Variants in C19orf18 observed in about 807,000 individuals in gnomAD.
The protein encoded by C19orf18 is uncharacterized protein C19orf18.
Under a neutral mutation model 23.3 loss-of-function variants are expected in C19orf18, and 21 were observed. The observed-to-expected ratio is 0.90, with a 90% CI of 0.64 to 1.30. C19orf18 has a LOEUF of 1.30. Among genes scored for constraint, C19orf18 ranks in the 50% most tolerant of loss-of-function variants. C19orf18 has a pLI of 0.00. For missense variants in C19orf18, 249 were observed against 259.6 expected (o/e 0.96, Z 0.28); for synonymous variants, 96 against 95.2 (o/e 1.01, Z -0.05).
chr19:57,963,658 C>T (rs1313691077), intron 4 of C19orf18, among the ~76,000 whole-genome samples: 14 of 151,988 alleles, frequency 9.2e-5, no homozygotes, highest in Non-Finnish European at 1.8e-4. Context: ...GAGTCCGAGG[C>T]GGGCGGATCA....
intron 4 of C19orf18, among the ~76,000 whole-genome samples, chr19:57,962,312 C>T (rs2072879300): frequency 6.6e-6 from 1 of 152,012 alleles, no homozygotes; most frequent in Non-Finnish European, 1.5e-5. Flanking sequence ...ACTGGAATTA[C>T]AGGTGTGAGC....
chr19:57,962,955 T>G (rs1259462519), intron 4 of C19orf18, among the ~76,000 whole-genome samples: 1 of 151,398 alleles, frequency 6.6e-6, no homozygotes, highest in Non-Finnish European at 1.5e-5. Flanking sequence ...AAAAGGGAGG[T>G]GCTCGCCTCA....
intron 4 of C19orf18, 96 bp downstream of exon 4, chr19:57,966,434 A>C (rs2072908585): frequency 1.3e-6 from 1 of 785,466 alleles, no homozygotes; most frequent in Non-Finnish European, 2.0e-6. Flanking sequence ...TAGCAATTAT[A>C]AGATGTATCA....
intron 4 of C19orf18, among the ~76,000 whole-genome samples, 171 bp from the exon 5 acceptor site, chr19:57,961,722 C>T (rs1427773303): frequency 6.6e-6 from 1 of 152,140 alleles, no homozygotes; most frequent in African/African-American, 2.4e-5. Context: ...ATGGTCAGGC[C>T]ATTTCCTGGA....
At chr19:57,964,593 A>G (rs1174839200) in intron 4 of C19orf18, among the ~76,000 whole-genome samples, 1 of 152,192 alleles carries the variant, frequency 6.6e-6, no homozygotes, top group African/African-American at 2.4e-5. Flanking sequence ...ATACATTTAC[A>G]TAAATTAAGC....
At chr19:57,964,854 C>G (rs1015891067) in intron 4 of C19orf18, among the ~76,000 whole-genome samples, 4 of 152,138 alleles carry the variant, frequency 2.6e-5, no homozygotes, top group African/African-American at 9.7e-5. Flanking sequence ...CGGAATCATA[C>G]AGTAGGAGTC....
intron 3 of C19orf18, among the ~76,000 whole-genome samples, chr19:57,969,910 T>A (rs1239137795): frequency 6.6e-6 from 1 of 151,930 alleles, no homozygotes; most frequent in Non-Finnish European, 1.5e-5. Flanking sequence ...ATAGCATTGT[T>A]TTTATGAGAA....
At chr19:57,973,145 C>CAAAAAAAA (rs61625681) in intron 2 of C19orf18, among the ~76,000 whole-genome samples, 2 of 24,186 alleles carry the variant, frequency 8.3e-5, no homozygotes, top group Non-Finnish European at 1.5e-4. Flanking sequence ...GACTCCGTCT[C>CAAAAAAAA]AAAAAAAAAA....
chr19:57,961,875 CTTCTCT>C (rs1222252243), intron 4 of C19orf18, among the ~76,000 whole-genome samples: 1 of 151,916 alleles, frequency 6.6e-6, no homozygotes. Context: ...ATTCCTTTCT[CTTCTCT>C]TTTTCTTTCT....
intron 3 of C19orf18, among the ~76,000 whole-genome samples, chr19:57,972,005 C>T (rs2072948415): frequency 6.6e-6 from 1 of 152,170 alleles, no homozygotes; most frequent in Non-Finnish European, 1.5e-5. Flanking sequence ...TCAGAAGCCG[C>T]CCTGTTGCAG....
intron 3 of C19orf18, among the ~76,000 whole-genome samples, chr19:57,970,732 G>A (rs1316833218): frequency 6.6e-6 from 1 of 151,028 alleles, no homozygotes; most frequent in African/African-American, 2.4e-5. Context: ...GCTAATTTTT[G>A]TATTTTTAGT....
chr19:57,962,897 T>A (rs2123220447), intron 4 of C19orf18, among the ~76,000 whole-genome samples: 1 of 152,214 alleles, frequency 6.6e-6, no homozygotes, highest in Non-Finnish European at 1.5e-5. Flanking sequence ...AGTTTATTTT[T>A]TGTTTTTCTT....
intron 4 of C19orf18, 56 bp downstream of exon 4, chr19:57,966,474 A>C (rs1397249890): frequency 8.5e-6 from 9 of 1,057,652 alleles, no homozygotes; most frequent in Admixed American, 2.0e-5. Flanking sequence ...AATAATAATC[A>C]GTTGACTTGT....
chr19:57,966,417 A>G, intron 4 of C19orf18, 113 bp downstream of exon 4: 4 of 691,506 alleles, frequency 5.8e-6, no homozygotes, highest in Non-Finnish European at 9.5e-6. Context: ...TATAATGACC[A>G]ATACTTTAGC....
chr19:57,963,259 C>A (rs1391241564), intron 4 of C19orf18, among the ~76,000 whole-genome samples: 1 of 151,892 alleles, frequency 6.6e-6, no homozygotes, highest in African/African-American at 2.4e-5. Flanking sequence ...GAACTCCCAA[C>A]CTCAGGTGAC....
At chr19:57,969,198 T>C (rs2072927239) in intron 3 of C19orf18, among the ~76,000 whole-genome samples, 1 of 152,136 alleles carries the variant, frequency 6.6e-6, no homozygotes, top group Admixed American at 6.5e-5. Flanking sequence ...CATTTGCATG[T>C]CTGGGAGTCT....
chr19:57,959,776 C>T (rs988606218), intron 5 of C19orf18, among the ~76,000 whole-genome samples: 20 of 134,572 alleles, frequency 1.5e-4, no homozygotes, highest in Admixed American at 1.3e-3. Flanking sequence ...GCCTGGGTGA[C>T]GTAGTGAAAC....
intron 3 of C19orf18, among the ~76,000 whole-genome samples, chr19:57,967,826 G>T (rs938557654): frequency 6.8e-6 from 1 of 146,038 alleles, no homozygotes. Context: ...TGACCAACAC[G>T]GCGAAACCCC....
chr19:57,974,038 C>T, intron 2 of C19orf18, 61 bp downstream of exon 2: 1 of 1,497,554 alleles, frequency 6.7e-7, no homozygotes, highest in Non-Finnish European at 9.3e-7. Context: ...ATTCACATGG[C>T]AGATAAGAGG....
Sources: gnomAD v4.1 joint callset for allele counts (sites outside exome capture counted in the v4.1 genomes callset) on GRCh38, gnomAD v4.1.1 for gene constraint, MANE v1.5 for transcripts, NCBI Gene and HGNC (gene_info 2026-07-23, HGNC 2026-07-21) for gene names.